Variants in CFH observed in about 807,000 individuals in gnomAD.
The protein encoded by CFH is H factor 1 (complement).
In CFH, 53 loss-of-function variants were observed where a neutral mutation model predicts 147.3. The observed-to-expected ratio is 0.36, with a 90% CI of 0.29 to 0.45. The LOEUF (loss-of-function observed/expected upper bound fraction) is 0.45. Ranked by LOEUF, CFH falls within the 20% of genes least tolerant of loss-of-function variation. The probability of loss-of-function intolerance (pLI) is 1.00; values close to 1 mark genes in which losing one functional copy is unlikely to be tolerated. For synonymous variants in CFH, 536 were observed against 489.4 expected, an observed-to-expected ratio of 1.10 and a Z score of -1.26; for missense variants, 1,380 against 1,498.0, an observed-to-expected ratio of 0.92 and a Z score of 1.30.
intron 9 of CFH, among the ~76,000 whole-genome samples, chr1:196,705,339 A>G (rs975793168): frequency 1.2e-4 from 18 of 152,170 alleles, no homozygotes; most frequent in Non-Finnish European, 1.5e-5. Flanking sequence ...AGCTCTTGTC[A>G]GGGTGGCCAG....
At chr1:196,709,863 G>A (rs538573304) in intron 9 of CFH, among the ~76,000 whole-genome samples, 2 of 152,140 alleles carry the variant, frequency 1.3e-5, no homozygotes, top group South Asian at 4.2e-4. Context: ...TAAAAAATTA[G>A]CCGGGCATTA....
chr1:196,712,448 G>A (rs1668744317), intron 9 of CFH, among the ~76,000 whole-genome samples: 1 of 151,292 alleles, frequency 6.6e-6, no homozygotes, highest in Admixed American at 6.6e-5. Context: ...GATTGTTCGA[G>A]TGTCATCTCA....
intron 17 of CFH, 125 bp downstream of exon 17, chr1:196,737,785 T>C (rs1652621813): frequency 3.0e-6 from 2 of 660,274 alleles, no homozygotes; most frequent in South Asian, 2.3e-5. Flanking sequence ...TATTATACCA[T>C]TAAAATACTT....
chr1:196,726,216 T>C (rs1161876653), intron 12 of CFH, among the ~76,000 whole-genome samples: 1 of 152,156 alleles, frequency 6.6e-6, no homozygotes, highest in Admixed American at 6.6e-5. Flanking sequence ...CATAACCACA[T>C]TTGCTAATTG....
At chr1:196,688,854 G>A (rs995534890) in intron 7 of CFH, among the ~76,000 whole-genome samples, 1 of 152,032 alleles carries the variant, frequency 6.6e-6, no homozygotes, top group African/African-American at 2.4e-5. Context: ...CGAGTGATCT[G>A]CCTGTCTCAG....
intron 9 of CFH, among the ~76,000 whole-genome samples, chr1:196,708,661 C>A (rs1668652172): frequency 6.6e-6 from 1 of 152,006 alleles, no homozygotes; most frequent in Admixed American, 6.6e-5. Context: ...CCTGTGTGCC[C>A]CCTTGGTACA....
chr1:196,712,947 C>A (rs1668759762), intron 9 of CFH, among the ~76,000 whole-genome samples: 1 of 151,846 alleles, frequency 6.6e-6, no homozygotes, highest in Non-Finnish European at 1.5e-5. Flanking sequence ...GACATGAACT[C>A]CTCATTTTTT....
intron 1 of CFH, among the ~76,000 whole-genome samples, chr1:196,670,224 A>G (rs1189333589): frequency 6.6e-6 from 1 of 152,186 alleles, no homozygotes; most frequent in Non-Finnish European, 1.5e-5. Flanking sequence ...GCCTTGTCTC[A>G]GATGAGACTT....
At chr1:196,699,415 A>G (rs552739003) in intron 9 of CFH, among the ~76,000 whole-genome samples, 1 of 152,214 alleles carries the variant, frequency 6.6e-6, no homozygotes, top group Non-Finnish European at 1.5e-5. Context: ...TTTTGAGACT[A>G]CATGATATAT....
intron 17 of CFH, among the ~76,000 whole-genome samples, chr1:196,738,542 G>T (rs944602652): frequency 3.3e-5 from 5 of 152,154 alleles, no homozygotes; most frequent in Non-Finnish European, 5.9e-5. Flanking sequence ...CTTGATGGAA[G>T]TCTGAAATTT....
At chr1:196,683,289 A>C (rs1667717910) in intron 6 of CFH, among the ~76,000 whole-genome samples, 1 of 151,730 alleles carries the variant, frequency 6.6e-6, no homozygotes, top group African/African-American at 2.4e-5. Flanking sequence ...CAGTTCAATA[A>C]ATAATTAAGA....
intron 11 of CFH, among the ~76,000 whole-genome samples, chr1:196,721,815 T>TTC (rs1669005320): frequency 1.0e-4 from 2 of 19,394 alleles, no homozygotes; most frequent in African/African-American, 7.3e-4. Flanking sequence ...ACTTCTTGTC[T>TTC]TTTTTTTCTT....
chr1:196,685,902 A>C (rs1002243844), intron 7 of CFH, among the ~76,000 whole-genome samples: 1 of 152,118 alleles, frequency 6.6e-6, no homozygotes, highest in Non-Finnish European at 1.5e-5. Flanking sequence ...GAACTACCTG[A>C]GACTGGATAA....
intron 15 of CFH, among the ~76,000 whole-genome samples, chr1:196,730,093 T>C (rs1259853275): frequency 6.6e-6 from 1 of 151,866 alleles, no homozygotes; most frequent in Non-Finnish European, 1.5e-5. Context: ...TTTACTCTGA[T>C]CTTTATGATT....
At chr1:196,740,496 C>T (rs1241144959) in intron 17 of CFH, 123 bp from the exon 18 acceptor site, 3 of 941,924 alleles carry the variant, frequency 3.2e-6, no homozygotes, top group Non-Finnish European at 4.8e-6. Flanking sequence ...TGTGTTACTT[C>T]TCTGTGATGT....
intron 2 of CFH, 110 bp from the exon 3 acceptor site, chr1:196,673,747 C>G: frequency 1.3e-6 from 1 of 764,264 alleles, no homozygotes; most frequent in Non-Finnish European, 2.3e-6. Flanking sequence ...ATTTTCCTTA[C>G]ATTCAATCTG....
intron 11 of CFH, among the ~76,000 whole-genome samples, chr1:196,721,910 C>A (rs916612161): frequency 6.6e-6 from 1 of 151,634 alleles, no homozygotes; most frequent in African/African-American, 2.4e-5. Context: ...TGTCTCCATA[C>A]CTTTACCATG....
At chr1:196,698,881 G>A (rs558747556) in intron 9 of CFH, among the ~76,000 whole-genome samples, 1 of 152,144 alleles carries the variant, frequency 6.6e-6, no homozygotes, top group African/African-American at 2.4e-5. Context: ...TTCACCATGA[G>A]CAAGTCGCCA....
intron 1 of CFH, among the ~76,000 whole-genome samples, chr1:196,656,386 T>C (rs1408285167): frequency 6.6e-6 from 1 of 151,398 alleles, no homozygotes; most frequent in Non-Finnish European, 1.5e-5. Flanking sequence ...AACTGTAACA[T>C]AAATTTAAGC....
Sources: allele counts gnomAD v4.1 joint callset (sites outside exome capture counted in the v4.1 genomes callset), GRCh38; gene constraint gnomAD v4.1.1; transcripts MANE v1.5; gene names NCBI Gene and HGNC (gene_info 2026-07-23, HGNC 2026-07-21).